Variants in USP50 observed in about 807,000 individuals in gnomAD.
USP50 encodes the protein ubiquitin carboxyl-terminal hydrolase 50.
In USP50, 37 loss-of-function variants were observed where a neutral mutation model predicts 39.2. That is an observed-to-expected ratio of 0.94 (90% confidence interval 0.73 to 1.24). USP50 has a LOEUF of 1.24. Ranked by LOEUF, USP50 falls within the 50% of genes most tolerant of loss-of-function variation. USP50 has a pLI of 0.00. For missense variants in USP50, 374 were observed against 398.2 expected, an observed-to-expected ratio of 0.94 and a Z score of 0.52; for synonymous variants, 139 against 144.5, an observed-to-expected ratio of 0.96 and a Z score of 0.27.
chr15:50,506,109 G>C (rs2052654729), intron 6 of USP50: 2 of 152,108 alleles, frequency 1.3e-5, no homozygotes, highest in East Asian at 1.9e-4. Context: ...AATTACTAAA[G>C]AATCAAAATG....
rs184340248 is a variant in USP50, at chr15:50,544,287, G to A, written c.248+300C>T. ...TGAGGCAGGAGGGTCACTTGAACCCGAGGAACAGAGGTTGCAGGGAGCCAA... is the reference window on the plus strand; with the variant it reads ...TGAGGCAGGAGGGTCACTTGAACCCAAGGAACAGAGGTTGCAGGGAGCCAA... On this transcript the variant is annotated intron_variant, in intron 2 of 6. Transcript: ENST00000532404. 1.8e-3 allele frequency among the ~76,000 whole-genome samples: 280 copies of A among 151,950 alleles called. 2 individuals are homozygous for A. The highest frequency in any genetic ancestry group is 6.5e-3 in the African/African-American group (271 of 41,422).
intron 6 of USP50, among the ~76,000 whole-genome samples, chr15:50,522,764 G>A (rs2052860001): frequency 6.6e-6 from 1 of 152,160 alleles, no homozygotes; most frequent in African/African-American, 2.4e-5. Context: ...TCCTGCCTCA[G>A]CCTCCTGAGT....
intron 6 of USP50, chr15:50,509,932 A>T (rs1267303628): frequency 2.6e-5 from 4 of 152,144 alleles, no homozygotes; most frequent in African/African-American, 4.8e-5. Flanking sequence ...TAAAGTTGTG[A>T]TGGTAATGAC....
chr15:50,537,717 G>A (rs529941878), intron 5 of USP50, among the ~76,000 whole-genome samples: 99 of 151,322 alleles, frequency 6.5e-4, no homozygotes, highest in South Asian at 4.8e-3. Flanking sequence ...AGAATTAGCT[G>A]GGCGTGGTGG....
At chr15:50,498,121 A>ATTGTT (rs1205922508), downstream of USP50, among the ~76,000 whole-genome samples, 3 of 152,170 alleles carry the variant, frequency 2.0e-5, no homozygotes, top group Non-Finnish European at 4.4e-5. Flanking sequence ...CCAAGATATC[A>ATTGTT]TTGTTTTGAT....
At chr15:50,538,273 CAAAA>C (rs766139797) in intron 5 of USP50, among the ~76,000 whole-genome samples, 85 of 17,286 alleles carry the variant, frequency 4.9e-3, no homozygotes, top group African/African-American at 9.5e-3. Context: ...GAGACTGTCT[CAAAA>C]AAAAAAAAAA....
intron 6 of USP50, chr15:50,508,615 C>T (rs1028700226): frequency 1.3e-5 from 2 of 152,012 alleles, no homozygotes; most frequent in African/African-American, 4.8e-5. Flanking sequence ...AGAGATAACA[C>T]TGTAAGAGGA....
chr15:50,497,211 G>T (rs749631353), downstream of USP50: 1 of 1,607,756 alleles, frequency 6.2e-7, no homozygotes, highest in African/African-American at 1.3e-5. Context: ...TACCACCTGT[G>T]CTTTTAGTGC....
intron 5 of USP50, among the ~76,000 whole-genome samples, chr15:50,536,067 G>A (rs1190974610): frequency 6.6e-6 from 1 of 152,158 alleles, no homozygotes; most frequent in Non-Finnish European, 1.5e-5. Context: ...CTACAGTCAG[G>A]AGCAAGGCAA....
chr15:50,514,605 C>G (rs2052784655), intron 6 of USP50, among the ~76,000 whole-genome samples: 1 of 152,064 alleles, frequency 6.6e-6, no homozygotes, highest in Non-Finnish European at 1.5e-5. Flanking sequence ...GATCTCGGCT[C>G]ACTGCAACCT....
At chr15:50,517,482 AAAAT>A in intron 6 of USP50, among the ~76,000 whole-genome samples, 1 of 152,254 alleles carries the variant, frequency 6.6e-6, no homozygotes, top group African/African-American at 2.4e-5. Context: ...CAAAAAAAAA[AAAAT>A]AAGAGGATTG....
chr15:50,497,280 TTTTAAGTTCTGTGTAA>T, downstream of USP50: 2 of 1,551,060 alleles, frequency 1.3e-6, no homozygotes, highest in Non-Finnish European at 1.7e-6. Context: ...AATGAGGGAA[TTTTAAGTTCTGTGTAA>T]TTTATACTTG....
chr15:50,510,232 T>C (rs571735233), intron 6 of USP50: 2 of 152,308 alleles, frequency 1.3e-5, no homozygotes, highest in African/African-American at 4.8e-5. Context: ...CCCTAATTTA[T>C]ACTACATTTT....
intron 6 of USP50, among the ~76,000 whole-genome samples, chr15:50,520,939 T>G (rs2052845100): frequency 6.6e-6 from 1 of 152,230 alleles, no homozygotes; most frequent in African/African-American, 2.4e-5. Context: ...TAACTGCATA[T>G]TATTTGTATA....
chr15:50,494,385 T>G (rs2052292149), intron 1 of USP50: 2 of 935,186 alleles, frequency 2.1e-6, no homozygotes, highest in Non-Finnish European at 3.2e-6. Context: ...GTTCAGTGCT[T>G]GTTTATTCAA....
At position 50,500,825 on chromosome 15, in the gene USP50, C is replaced by T. The variant is rs575515579; in HGVS notation, c.949G>A (p.Asp317Asn). Residue 317 changes from aspartate (D) to asparagine (N), a missense_variant, in exon 7 of 7, where the codon GAT becomes AAT. Physicochemically the swap from Asp to Asn is conservative, Grantham distance 23. Transcript: ENST00000532404. ...GCAGTGTAGTGGCCACCATCCAAAT[C>T]ACCAAAATGGTTCTATGGGAGAAAG... is the stretch of plus-strand genomic sequence containing the variant. ...NLCAVVNHFG[D>N]LDGGHYTAFC... 141 of 1,582,744 alleles carry T rather than the reference C, an allele frequency of 8.9e-5. No homozygotes were observed. Among genetic ancestry groups the T allele is most frequent in the Non-Finnish European group, 1.2e-4 (137 of 1,163,674 alleles).
intron 4 of USP50, among the ~76,000 whole-genome samples, chr15:50,540,272 G>GTAAACCAAGGCACTAGATTCCAT (rs2053017786): frequency 2.0e-5 from 3 of 152,028 alleles, no homozygotes; most frequent in Admixed American, 2.0e-4. Context: ...AATTTGAGAG[G>GTAAACCAAGGCACTAGATTCCAT]TAAACCAAGG....
chr15:50,531,588 G>A (rs1596016737), intron 5 of USP50, among the ~76,000 whole-genome samples: 1 of 152,072 alleles, frequency 6.6e-6, no homozygotes, highest in African/African-American at 2.4e-5. Flanking sequence ...TGATGGAAAT[G>A]GTTTATATGT....
intron 6 of USP50, among the ~76,000 whole-genome samples, chr15:50,526,099 C>A (rs907271477): frequency 9.2e-5 from 14 of 152,108 alleles, no homozygotes; most frequent in African/African-American, 3.1e-4. Flanking sequence ...CTCTCTGTTG[C>A]TTAGGCCGGA....
Sources: allele counts gnomAD v4.1 joint callset (sites outside exome capture counted in the v4.1 genomes callset), GRCh38; gene constraint gnomAD v4.1.1; transcripts MANE v1.5; gene names NCBI Gene and HGNC (gene_info 2026-07-23, HGNC 2026-07-21).